The following GEMIN2 variants were observed in gnomAD, a reference collection of about 807,000 sequenced individuals.
The protein encoded by GEMIN2 is gem-associated protein 2.
A neutral mutation model predicts 45.8 loss-of-function variants in GEMIN2; 37 were observed. The ratio of observed to expected loss-of-function variants is 0.81; its 90% CI spans 0.62 to 1.06. The LOEUF (loss-of-function observed/expected upper bound fraction) is 1.06. Among genes scored for constraint, GEMIN2 ranks in the 50% least tolerant of loss-of-function variants. The pLI, the probability that GEMIN2 is intolerant of heterozygous loss-of-function variation, is 0.00. For missense variants in GEMIN2, 335 were observed against 321.8 expected, an observed-to-expected ratio of 1.04 and a Z score of -0.31; for synonymous variants, 101 against 111.5, an observed-to-expected ratio of 0.91 and a Z score of 0.60.
intron 5 of GEMIN2, among the ~76,000 whole-genome samples, chr14:39,123,878 AC>A (rs2052608777): frequency 6.7e-6 from 1 of 149,296 alleles, no homozygotes. Flanking sequence ...CCACCACCAC[AC>A]CCAGCTAATT....
chr14:39,124,849 C>T (rs1344807681), intron 5 of GEMIN2, 143 bp from the exon 6 acceptor site: 3 of 577,208 alleles, frequency 5.2e-6, no homozygotes, highest in Non-Finnish European at 6.3e-6. Flanking sequence ...CGGAATGTCT[C>T]ATTGTTATGG....
rs767270387 is a variant in GEMIN2 at position 39,128,355 on chromosome 14, T to C, written c.600+7T>C. 6.6e-7 allele frequency: 1 copy of C among 1,507,516 alleles called. No individual in the cohort carries two copies. The highest frequency in any genetic ancestry group is 1.4e-5 in the African/African-American group (1 of 72,370). The allele number at this position is 1,507,516 out of a possible 1,614,324, so 93.4% of individuals were successfully genotyped here. On this transcript the variant is annotated splice_region_variant and intron_variant, in intron 7 of 9. Transcript: ENST00000308317. ...AGACTTTACTCCAGAATTGGTAGTA[T>C]TGCATGTTTTTCTTTTCATAATGTA...
chr14:39,127,800 T>C (rs866311340), intron 6 of GEMIN2, among the ~76,000 whole-genome samples: 1 of 152,088 alleles, frequency 6.6e-6, no homozygotes, highest in Non-Finnish European at 1.5e-5. Context: ...CTAGGCGCGG[T>C]GCCTCACACC....
chr14:39,124,396 G>A (rs1327333978), intron 5 of GEMIN2, among the ~76,000 whole-genome samples: 1 of 151,696 alleles, frequency 6.6e-6, no homozygotes, highest in African/African-American at 2.4e-5. Flanking sequence ...TACTTAATAA[G>A]TTAGTTTTTT....
At chr14:39,127,367 G>C (rs1193139431) in intron 6 of GEMIN2, among the ~76,000 whole-genome samples, 2 of 98,748 alleles carry the variant, frequency 2.0e-5, no homozygotes, top group Non-Finnish European at 3.8e-5. Flanking sequence ...TTTTGAGACA[G>C]AGTCTCACTC....
chr14:39,130,764 G>A (rs192417995), intron 7 of GEMIN2, among the ~76,000 whole-genome samples: 167 of 151,558 alleles, frequency 1.1e-3, no homozygotes, highest in African/African-American at 3.9e-3. Flanking sequence ...GCATGGTGGC[G>A]GGCGCCTGTT....
chr14:39,132,046 G>T lies in GEMIN2; in HGVS notation c.689G>T (p.Cys230Phe). 1 of 1,567,954 alleles carries T rather than the reference G, an allele frequency of 6.4e-7. No homozygotes were observed. Among genetic ancestry groups the T allele is most frequent in the Non-Finnish European group, 8.8e-7 (1 of 1,138,266 alleles). Residue 230 changes from cysteine to phenylalanine, a missense_variant, in exon 8 of 10, where the codon TGC (cysteine) becomes TTC (phenylalanine). Cys to Phe is a radical substitution (Grantham distance 205). Transcript: ENST00000308317. ...CTGATTCGGCAGCTTGCAAGAAGGT[G>T]CTCTGAAGTGAGGCTCTTAGTGGTA... ...HSLIRQLARR[C>F]SEVRLLVDSK...
Position 39,128,361 on chromosome 14 carries a change from GTTTTTCTT to G in GEMIN2, c.600+16_600+23del. 6.8e-7 allele frequency: 1 copy of G among 1,478,534 alleles called. No homozygotes were observed. Among genetic ancestry groups the G allele is most frequent in the South Asian group, 1.2e-5 (1 of 85,882 alleles). 91.6% of individuals were successfully genotyped at this position (1,478,534 alleles called of 1,614,324 possible). ...TACTCCAGAATTGGTAGTATTGCAT[GTTTTTCTT>G]TTCATAATGTAGGCAAAAATTAGAC... On this transcript the variant is annotated intron_variant, in intron 7 of 9. Coordinates refer to ENST00000308317, the MANE Select transcript of GEMIN2 (RefSeq NM_003616.3).
At position 39,128,067 on chromosome 14, in the gene GEMIN2, C is replaced by CAAAAA. The variant is rs1212260025; in HGVS notation, c.532-191_532-187dup. The stretch of plus-strand genomic sequence containing the variant: ...TGGGCAACAGAGTGAGACTCTATCT[C>CAAAAA]AAAAAAAAAAAAAAAAAAAAAAAAA... On this transcript the variant is annotated intron_variant, in intron 6 of 9. Coordinates refer to ENST00000308317, the MANE Select transcript of GEMIN2 (RefSeq NM_003616.3). Among the ~76,000 whole-genome samples the CAAAAA allele has an allele frequency of 6.6e-3, 70 of 10,562 alleles. 29 individuals carry two copies. The highest frequency in any genetic ancestry group is 7.7e-3 in the African/African-American group (39 of 5,078). The allele number at this position is 10,562 out of a possible 152,430, so 6.9% of individuals were successfully genotyped here. A position where few individuals can be genotyped will look rare whatever the true frequency, so the allele number is the denominator to read the frequency against.
At chr14:39,118,124 G>T in intron 3 of GEMIN2, 36 bp downstream of exon 3, 1 of 1,103,686 alleles carries the variant, frequency 9.1e-7, no homozygotes, top group East Asian at 2.5e-5. Flanking sequence ...AGCCCCTGTT[G>T]GATTTATTTC....
At chr14:39,135,628 C>T (rs1251438912) in intron 9 of GEMIN2, among the ~76,000 whole-genome samples, 1 of 151,420 alleles carries the variant, frequency 6.6e-6, no homozygotes, top group Non-Finnish European at 1.5e-5. Flanking sequence ...AAGCTGGGCA[C>T]AGTGACTCAC....
chr14:39,123,432 T>C (rs1310264742), intron 5 of GEMIN2, among the ~76,000 whole-genome samples: 3 of 151,912 alleles, frequency 2.0e-5, no homozygotes, highest in South Asian at 2.1e-4. Context: ...ATTATTCTTA[T>C]ATGACAAGAT....
intron 2 of GEMIN2, among the ~76,000 whole-genome samples, chr14:39,116,775 G>T (rs1018559483): frequency 6.6e-6 from 1 of 152,014 alleles, no homozygotes; most frequent in African/African-American, 2.4e-5. Flanking sequence ...GATTGAGACA[G>T]GGTCTCGCTT....
chr14:39,117,992 T>A lies in GEMIN2; in HGVS notation c.223-7T>A. On this transcript the variant is annotated splice_polypyrimidine_tract_variant and splice_region_variant and intron_variant, in intron 2 of 9. Coordinates refer to ENST00000308317, the MANE Select transcript of GEMIN2 (RefSeq NM_003616.3). ...TTGATCCTAATATTTGTGAACTTGA[T>A]CTCTAGCTTTCAGGATGCCAACCCG... The A allele has an allele frequency of 3.9e-6, 6 of 1,534,122 alleles. No individual in the cohort carries two copies. Among genetic ancestry groups the A allele is most frequent in the Non-Finnish European group, 5.4e-6 (6 of 1,111,440 alleles).
Position 39,131,996 on chromosome 14 carries a change from G to T in GEMIN2, c.639G>T (p.Lys213Asn), listed in dbSNP as rs758288577. ...WLYALLACLEKPLLPEAHSLI... is the reference protein window; with the variant it reads ...WLYALLACLENPLLPEAHSLI... ...ATGCTTTATTGGCTTGTCTTGAAAA[G>T]CCTTTGTTACCTGAGGCTCATTCAC... Residue 213 changes from lysine (K) to asparagine (N), a missense_variant, in exon 8 of 10, where the codon AAG becomes AAT. Transcript: ENST00000308317. 1 of 1,599,452 alleles carries T rather than the reference G, an allele frequency of 6.3e-7. No homozygotes were observed.
chr14:39,118,668 G>C (rs192271975), intron 4 of GEMIN2, 69 bp downstream of exon 4: 145 of 696,824 alleles, frequency 2.1e-4, no homozygotes, highest in Non-Finnish European at 3.3e-4. Flanking sequence ...TTTACTTCCA[G>C]TCGTTAAAGA....
chr14:39,124,293 A>G (rs2052613141), intron 5 of GEMIN2, among the ~76,000 whole-genome samples: 1 of 152,222 alleles, frequency 6.6e-6, no homozygotes, highest in African/African-American at 2.4e-5. Flanking sequence ...AAGTGTCCTT[A>G]ATTCTTGAAA....
intron 7 of GEMIN2, among the ~76,000 whole-genome samples, chr14:39,129,934 GTTTTTTTTT>G (rs34165330): frequency 3.3e-5 from 2 of 61,400 alleles, no homozygotes; most frequent in East Asian, 5.6e-4. Context: ...AGACAAGTTT[GTTTTTTTTT>G]TTTTTTTTTT....
intron 7 of GEMIN2, 32 bp from the exon 8 acceptor site, chr14:39,131,926 T>C (rs1482434835): frequency 2.0e-6 from 2 of 1,007,978 alleles, no homozygotes; most frequent in South Asian, 1.3e-5. Context: ...TCAGTATTTG[T>C]CTAAATATTA....
Sources: allele counts gnomAD v4.1 joint callset (sites outside exome capture counted in the v4.1 genomes callset), GRCh38; gene constraint gnomAD v4.1.1; transcripts MANE v1.5; gene names NCBI Gene and HGNC (gene_info 2026-07-23, HGNC 2026-07-21).